The following RAP1GAP2 variants were observed in gnomAD, a reference collection of about 807,000 sequenced individuals.
The protein encoded by RAP1GAP2 is RAP1 GTPase activating protein 2.
In RAP1GAP2, 27 loss-of-function variants were observed where a neutral mutation model predicts 95.0. The observed-to-expected ratio is 0.28, with a 90% CI of 0.21 to 0.39. The LOEUF (loss-of-function observed/expected upper bound fraction) is 0.39. RAP1GAP2 is among the 10% of genes least tolerant of loss of function. The pLI is 1.00. For synonymous variants in RAP1GAP2, 373 were observed against 380.9 expected (o/e 0.98, Z 0.24); for missense variants, 771 against 970.0 (o/e 0.79, Z 2.72).
intron 2 of RAP1GAP2, among the ~76,000 whole-genome samples, chr17:2,841,884 G>C (rs1190935849): frequency 6.6e-6 from 1 of 152,086 alleles, no homozygotes; most frequent in Admixed American, 6.6e-5. Flanking sequence ...CCCTTCTCTC[G>C]GGCTCCTCCT....
At chr17:2,844,053 C>A (rs936717074) in intron 2 of RAP1GAP2, among the ~76,000 whole-genome samples, 1 of 152,060 alleles carries the variant, frequency 6.6e-6, no homozygotes, top group Admixed American at 6.6e-5. Flanking sequence ...CGGAGTCTTG[C>A]TGTGTCGCCC....
intron 10 of RAP1GAP2, among the ~76,000 whole-genome samples, chr17:2,982,328 G>A (rs556217095): frequency 6.6e-6 from 1 of 152,252 alleles, no homozygotes; most frequent in Admixed American, 6.5e-5. Flanking sequence ...TAGTAGAGAC[G>A]GGCGTTTCAC....
chr17:2,899,461 T>G (rs1215150279), intron 2 of RAP1GAP2, among the ~76,000 whole-genome samples: 1 of 152,054 alleles, frequency 6.6e-6, no homozygotes, highest in Non-Finnish European at 1.5e-5. Context: ...TCCGCCTGCC[T>G]TGGCTTCCCA....
chr17:2,822,617 G>GTTTTTT (rs1212676493), intron 2 of RAP1GAP2, among the ~76,000 whole-genome samples: 68 of 117,750 alleles, frequency 5.8e-4, no homozygotes, highest in Non-Finnish European at 1.1e-3. Context: ...ATAAAACCCT[G>GTTTTTT]TTTTTTTTTG....
chr17:2,956,496 G>T (rs981789632), intron 3 of RAP1GAP2, among the ~76,000 whole-genome samples: 1 of 152,194 alleles, frequency 6.6e-6, no homozygotes, highest in Non-Finnish European at 1.5e-5. Flanking sequence ...TAGGAAGAGT[G>T]CTTGGAGGCC....
At chr17:2,819,183 T>C (rs937517735) in intron 2 of RAP1GAP2, among the ~76,000 whole-genome samples, 1 of 151,908 alleles carries the variant, frequency 6.6e-6, no homozygotes, top group East Asian at 1.9e-4. Context: ...CACACCCGGC[T>C]AATTTTTTTT....
Position 2,797,896 on chromosome 17 carries a change from C to T in RAP1GAP2, c.44+1325C>T, listed in dbSNP as rs2069140953. 1 of 593,928 alleles carries T rather than the reference C, an allele frequency of 1.7e-6. No individual in the cohort carries two copies. The highest frequency in any genetic ancestry group is 1.4e-4 in the East Asian group (1 of 7,026). 36.8% of individuals were successfully genotyped at this position (593,928 alleles called of 1,614,324 possible). A position where few individuals can be genotyped will look rare whatever the true frequency, so the allele number is the denominator to read the frequency against. ...GGCCCAGCAATTAGATTGTGCCCTC[C>T]AAGGCCCGCCTTTCTCTGGGAGGTG... On this transcript the variant is annotated intron_variant, in intron 1 of 24. Transcript: ENST00000254695. The surrounding 1 kb of genome is among the most constrained non-coding windows in gnomAD (Gnocchi z 5.6).
At chr17:2,957,423 C>T (rs1437259786) in intron 3 of RAP1GAP2, among the ~76,000 whole-genome samples, 1 of 152,214 alleles carries the variant, frequency 6.6e-6, no homozygotes, top group African/African-American at 2.4e-5. Context: ...ATGGCTCCTG[C>T]CGGAGGCTGA....
In RAP1GAP2 at chr17:3,008,475, C is replaced by T. The variant is rs1467435223; in HGVS notation, c.1494+330C>T. Among the ~76,000 whole-genome samples, 1 of 152,200 alleles carries T rather than the reference C, an allele frequency of 6.6e-6. No homozygotes were observed. Among genetic ancestry groups the T allele is most frequent in the Non-Finnish European group, 1.5e-5 (1 of 68,030 alleles). ...AAGCCAGGAACATCGGCGCTTTCACCTGCCTCCTCCTGGGTTGGGGAGCCC... is the reference window on the plus strand; with the variant it reads ...AAGCCAGGAACATCGGCGCTTTCACTTGCCTCCTCCTGGGTTGGGGAGCCC... On this transcript the variant is annotated intron_variant, in intron 17 of 24. Transcript: ENST00000254695. This position sits in a 1 kb window ranked among gnomAD's most constrained non-coding sequence, Gnocchi z 4.2.
At chr17:2,842,831 T>A (rs965176698) in intron 2 of RAP1GAP2, among the ~76,000 whole-genome samples, 4 of 152,088 alleles carry the variant, frequency 2.6e-5, no homozygotes, top group Admixed American at 6.6e-5. Flanking sequence ...GCCAATCCAA[T>A]TCTGTCAAGT....
chr17:2,821,164 C>T (rs1222700526), intron 2 of RAP1GAP2, among the ~76,000 whole-genome samples: 3 of 151,992 alleles, frequency 2.0e-5, no homozygotes, highest in African/African-American at 7.2e-5. Flanking sequence ...CCCAGGGATG[C>T]GCTTCTCTTC....
chr17:2,966,402 C>T (rs2044602026), intron 8 of RAP1GAP2, among the ~76,000 whole-genome samples: 2 of 152,122 alleles, frequency 1.3e-5, no homozygotes, highest in Admixed American at 1.3e-4. Flanking sequence ...TATCTCTGTC[C>T]CTGGTTGGGT....
In RAP1GAP2 at chr17:2,973,305, C is replaced by T. The variant is rs2044952091; in HGVS notation, c.597-6982C>T. On this transcript the variant is annotated intron_variant, in intron 8 of 24. Transcript: ENST00000254695. ...CCAAGGCAGGTGGATCACCTGAGGT[C>T]AGGAGTTCGAGACCAGGCTGGCCAA... Among the ~76,000 whole-genome samples the T allele has an allele frequency of 2.0e-5, 3 of 152,110 alleles. No individual in the cohort carries two copies. The South Asian group carries it at 6.2e-4, about 31-fold the overall frequency.
chr17:2,930,150 C>T (rs2043095085), intron 3 of RAP1GAP2, among the ~76,000 whole-genome samples: 1 of 152,260 alleles, frequency 6.6e-6, no homozygotes, highest in African/African-American at 2.4e-5. Context: ...CAGTCAACTG[C>T]CTCAGCCTCA....
chr17:2,930,257 C>T (rs2043099073), intron 3 of RAP1GAP2, among the ~76,000 whole-genome samples: 2 of 152,228 alleles, frequency 1.3e-5, no homozygotes, highest in South Asian at 4.1e-4. Flanking sequence ...GTGGCCAATA[C>T]CATCAGTACC....
intron 2 of RAP1GAP2, among the ~76,000 whole-genome samples, chr17:2,813,433 C>A (rs911620096): frequency 6.6e-6 from 1 of 152,174 alleles, no homozygotes; most frequent in African/African-American, 2.4e-5. Flanking sequence ...GAAGCACTTC[C>A]CCAAGGGATA....
intron 2 of RAP1GAP2, among the ~76,000 whole-genome samples, chr17:2,894,553 T>TA (rs1366660533): frequency 3.3e-5 from 5 of 152,102 alleles, no homozygotes; most frequent in Admixed American, 1.3e-4. Context: ...TGCTTAGGTT[T>TA]TAGTGCTGTT....
In RAP1GAP2 at chr17:3,005,097, A is replaced by C. The variant is rs2046293066; in HGVS notation, c.1201-272A>C. Reference sequence around the variant, plus strand: ...TCCCGGGCACTTGTATGGCATTAAAATTAGGGTCCCAGCCCTGTCCAGTCA... The same window carrying C: ...TCCCGGGCACTTGTATGGCATTAAACTTAGGGTCCCAGCCCTGTCCAGTCA... On this transcript the variant is annotated intron_variant, in intron 14 of 24. Transcript: ENST00000254695. This position sits in a 1 kb window ranked among gnomAD's most constrained non-coding sequence, Gnocchi z 5.2. Among the ~76,000 whole-genome samples the C allele has an allele frequency of 6.6e-6, 1 of 152,114 alleles. No homozygotes were observed. The highest frequency in any genetic ancestry group is 2.1e-4 in the South Asian group (1 of 4,824).
chr17:2,841,372 C>T (rs1387299710), intron 2 of RAP1GAP2, among the ~76,000 whole-genome samples: 17 of 142,944 alleles, frequency 1.2e-4, no homozygotes, highest in Non-Finnish European at 2.4e-4. Flanking sequence ...GGCACGAACT[C>T]GGCTCACTGC....
Sources: allele counts gnomAD v4.1 joint callset (sites outside exome capture counted in the v4.1 genomes callset), GRCh38; gene constraint gnomAD v4.1.1; non-coding constraint Gnocchi (gnomAD v3.1); transcripts MANE v1.5; gene names NCBI Gene and HGNC (gene_info 2026-07-23, HGNC 2026-07-21).